Variants in PRKCZ observed in about 807,000 individuals in gnomAD.
PRKCZ encodes protein kinase C zeta type.
PRKCZ carries 33 observed loss-of-function variants against 79.5 expected under a neutral mutation model. That is an observed-to-expected ratio of 0.41 (90% CI 0.31 to 0.55). The LOEUF (loss-of-function observed/expected upper bound fraction) is 0.55, where lower values mean the gene tolerates loss of function less well. Ranked by LOEUF, PRKCZ falls within the 20% of genes least tolerant of loss-of-function variation. The pLI, the probability that PRKCZ is intolerant of heterozygous loss-of-function variation, is 0.19. For synonymous variants in PRKCZ, 342 were observed against 320.9 expected, an observed-to-expected ratio of 1.07 and a Z score of -0.70; for missense variants, 578 against 813.5, an observed-to-expected ratio of 0.71 and a Z score of 3.52.
intron 2 of PRKCZ, 101 bp downstream of exon 2, chr1:2,055,663 T>G: frequency 6.8e-7 from 1 of 1,467,862 alleles, no homozygotes. Flanking sequence ...GTGGGGAGAC[T>G]TAAAGCTGTG....
intron 16 of PRKCZ, among the ~76,000 whole-genome samples, chr1:2,180,782 G>T (rs1572047665): frequency 6.6e-6 from 1 of 152,176 alleles, no homozygotes; most frequent in Non-Finnish European, 1.5e-5. Context: ...GGCACCAGGA[G>T]CCTGGGAGTC....
At chr1:2,139,259 CA>C in intron 5 of PRKCZ, among the ~76,000 whole-genome samples, 1 of 152,238 alleles carries the variant, frequency 6.6e-6, no homozygotes, top group East Asian at 1.9e-4. Flanking sequence ...CAGGGAAACA[CA>C]AGACATTTTC....
chr1:2,111,668 C>A (rs896013510), intron 4 of PRKCZ: 1 of 152,234 alleles, frequency 6.6e-6, no homozygotes, highest in Admixed American at 6.5e-5. Context: ...GGGCTGCTGC[C>A]GGCCTGGACT....
intron 10 of PRKCZ, among the ~76,000 whole-genome samples, chr1:2,160,257 G>A (rs1311234548): frequency 6.6e-6 from 1 of 151,990 alleles, no homozygotes; most frequent in Non-Finnish European, 1.5e-5. Context: ...GTGTGTGTGT[G>A]TGTGTGTGTG....
chr1:2,168,375 A>C lies in PRKCZ; in HGVS notation c.975-1143A>C, dbSNP rs1242397055. ...CACATCCGTTGGAGGCAGGGGAGAC[A>C]ACAAAAGCCGAGGAACGAGCCTTCC... On this transcript the variant is annotated intron_variant, in intron 10 of 17. Transcript: ENST00000378567. The surrounding 1 kb of genome is among the most constrained non-coding windows in gnomAD (Gnocchi z 4.7). Among the ~76,000 whole-genome samples the C allele has an allele frequency of 1.3e-5, 2 of 152,332 alleles. No homozygotes were observed. Among genetic ancestry groups the C allele is most frequent in the East Asian group, 3.9e-4 (2 of 5,194 alleles).
At chr1:2,134,190 G>A (rs1340600225) in intron 4 of PRKCZ, among the ~76,000 whole-genome samples, 1 of 152,236 alleles carries the variant, frequency 6.6e-6, no homozygotes, top group Admixed American at 6.5e-5. Flanking sequence ...TGCGCTCCTG[G>A]AGGACCCCTG....
At chr1:2,146,763 C>A (rs1228825432) in intron 7 of PRKCZ, among the ~76,000 whole-genome samples, 3 of 152,158 alleles carry the variant, frequency 2.0e-5, no homozygotes, top group African/African-American at 4.8e-5. Context: ...CTTATGAGAC[C>A]ACAGAACATA....
intron 4 of PRKCZ, among the ~76,000 whole-genome samples, chr1:2,121,904 A>G (rs185975756): frequency 2.7e-4 from 27 of 98,780 alleles, no homozygotes; most frequent in Admixed American, 4.0e-4. Flanking sequence ...TCACGGTGGT[A>G]GTTAGGGTCA....
chr1:2,068,204 A>T (rs542907897), intron 4 of PRKCZ, among the ~76,000 whole-genome samples: 207 of 152,340 alleles, frequency 1.4e-3, no homozygotes, highest in African/African-American at 4.7e-3. Flanking sequence ...ACGGGAGAGC[A>T]TCGCTAGGGA....
intron 4 of PRKCZ, among the ~76,000 whole-genome samples, chr1:2,065,678 C>CAAAAAAAAAAAAA (rs61017134): frequency 3.6e-5 from 2 of 56,114 alleles, no homozygotes; most frequent in East Asian, 4.6e-4. Flanking sequence ...GACTCTGTCT[C>CAAAAAAAAAAAAA]AAAAAAAAAA....
chr1:2,181,555 A>G (rs942068071), intron 16 of PRKCZ, among the ~76,000 whole-genome samples: 1 of 152,204 alleles, frequency 6.6e-6, no homozygotes, highest in Non-Finnish European at 1.5e-5. Flanking sequence ...CCCGACCTGG[A>G]GCCCACGTGC....
At chr1:2,059,744 T>G (rs1276027970) in intron 4 of PRKCZ, among the ~76,000 whole-genome samples, 153 bp downstream of exon 4, 1 of 152,242 alleles carries the variant, frequency 6.6e-6, no homozygotes, top group East Asian at 1.9e-4. Context: ...AGGTGGGGTT[T>G]TCACTGCAGC....
intron 5 of PRKCZ, among the ~76,000 whole-genome samples, chr1:2,136,475 C>T (rs943462594): frequency 6.6e-6 from 1 of 152,166 alleles, no homozygotes. Context: ...TCTGATCATA[C>T]TGCCTGGGAG....
In PRKCZ at chr1:2,172,924, C is replaced by T. The variant is rs535153183; in HGVS notation, c.1285+536C>T. 1.7e-4 allele frequency among the ~76,000 whole-genome samples: 26 copies of T among 150,012 alleles called. No individual in the cohort carries two copies. The highest frequency in any genetic ancestry group is 4.2e-4 in the South Asian group (2 of 4,710). On this transcript the variant is annotated intron_variant, in intron 13 of 17. Coordinates refer to ENST00000378567, the MANE Select transcript of PRKCZ (RefSeq NM_002744.6). This position sits in a 1 kb window ranked among gnomAD's most constrained non-coding sequence, Gnocchi z 7.8. ...GGGCACGCGTGTGCAGCCGTGTGTG[C>T]GTGTGTGAAACGGGGATGTGGGCAC...
intron 16 of PRKCZ, chr1:2,183,756 A>G (rs1219394417): frequency 6.6e-6 from 1 of 152,586 alleles, no homozygotes; most frequent in African/African-American, 2.4e-5. Context: ...CACATGGCAG[A>G]AGGCAGAGAG....
At chr1:2,102,110 A>G (rs1184848774) in intron 4 of PRKCZ, among the ~76,000 whole-genome samples, 1 of 152,020 alleles carries the variant, frequency 6.6e-6, no homozygotes, top group African/African-American at 2.4e-5. Flanking sequence ...GGAGAAGGTG[A>G]CTTCCATACT....
chr1:2,126,065 G>T (rs1321528609), intron 4 of PRKCZ, among the ~76,000 whole-genome samples: 1 of 152,070 alleles, frequency 6.6e-6, no homozygotes, highest in African/African-American at 2.4e-5. Context: ...CCCTGGGGCA[G>T]CGTCACCTGG....
chr1:2,072,731 G>A (rs1055380252), intron 4 of PRKCZ, among the ~76,000 whole-genome samples: 10 of 152,114 alleles, frequency 6.6e-5, no homozygotes, highest in African/African-American at 2.4e-4. Flanking sequence ...TCTCGGGGCC[G>A]TCCCTCCAGG....
At chr1:2,072,967 G>C (rs371658959) in intron 4 of PRKCZ, among the ~76,000 whole-genome samples, 2 of 152,264 alleles carry the variant, frequency 1.3e-5, no homozygotes, top group East Asian at 3.9e-4. Flanking sequence ...TGTTTTTTAT[G>C]ATTGGAGGAA....
Sources: allele counts gnomAD v4.1 joint callset (sites outside exome capture counted in the v4.1 genomes callset), GRCh38; gene constraint gnomAD v4.1.1; non-coding constraint Gnocchi (gnomAD v3.1); transcripts MANE v1.5; gene names NCBI Gene and HGNC (gene_info 2026-07-23, HGNC 2026-07-21).